KCNIP4: variants seen among roughly 807,000 people sequenced by gnomAD.
KCNIP4 encodes the protein potassium voltage-gated channel interacting protein 4.
Under a neutral mutation model 34.0 loss-of-function variants are expected in KCNIP4, and 12 were observed. The ratio of observed to expected loss-of-function variants is 0.35; its 90% CI spans 0.23 to 0.57. The LOEUF (loss-of-function observed/expected upper bound fraction) is 0.57. Ranked by LOEUF, KCNIP4 falls within the 20% of genes least tolerant of loss-of-function variation. The pLI is 0.83. For synonymous variants in KCNIP4, 124 were observed against 102.2 expected (o/e 1.21, Z -1.29); for missense variants, 238 against 311.7 (o/e 0.76, Z 1.78).
At chr4:21,819,254 G>T (rs1722181715) in intron 1 of KCNIP4, among the ~76,000 whole-genome samples, 1 of 152,136 alleles carries the variant, frequency 6.6e-6, no homozygotes, top group Admixed American at 6.5e-5. Context: ...TCTGTTACTG[G>T]CTGGCTTGCA....
At chr4:21,347,086 G>A (rs541775669) in intron 1 of KCNIP4, among the ~76,000 whole-genome samples, 9 of 152,230 alleles carry the variant, frequency 5.9e-5, no homozygotes, top group South Asian at 2.1e-4. Flanking sequence ...TGTGACCTGC[G>A]CAAGTGAACT....
At chr4:20,821,606 A>G (rs1466381963) in intron 3 of KCNIP4, among the ~76,000 whole-genome samples, 2 of 152,170 alleles carry the variant, frequency 1.3e-5, no homozygotes, top group South Asian at 2.1e-4. Context: ...ACTGTACTCA[A>G]TATGTAGCCT....
intron 2 of KCNIP4, among the ~76,000 whole-genome samples, chr4:20,863,892 A>G (rs1722474868): frequency 6.6e-6 from 1 of 151,990 alleles, no homozygotes; most frequent in African/African-American, 2.4e-5. Context: ...ACAATCACTA[A>G]TATTTATAGC....
intron 1 of KCNIP4, among the ~76,000 whole-genome samples, chr4:21,891,433 G>A (rs1468041461): frequency 6.6e-6 from 1 of 152,020 alleles, no homozygotes; most frequent in Non-Finnish European, 1.5e-5. Context: ...AGGGTTCTTC[G>A]GATCCCTAAG....
intron 1 of KCNIP4, among the ~76,000 whole-genome samples, chr4:21,664,245 G>A (rs577238385): frequency 1.4e-4 from 21 of 152,184 alleles, no homozygotes; most frequent in African/African-American, 3.6e-4. Flanking sequence ...CACCACACCC[G>A]ACAGGTCTTC....
At chr4:20,787,630 C>T (rs1712184325) in intron 3 of KCNIP4, among the ~76,000 whole-genome samples, 1 of 151,938 alleles carries the variant, frequency 6.6e-6, no homozygotes, top group South Asian at 2.1e-4. Context: ...TTAATTTGCT[C>T]CTCAAATTCT....
chr4:20,918,639 C>A (rs915856810), intron 1 of KCNIP4, among the ~76,000 whole-genome samples: 2 of 152,168 alleles, frequency 1.3e-5, no homozygotes, highest in Non-Finnish European at 2.9e-5. Flanking sequence ...AACAAGACAA[C>A]CATGTTTCCT....
intron 1 of KCNIP4, among the ~76,000 whole-genome samples, chr4:21,604,762 G>C (rs1743500356): frequency 1.3e-5 from 2 of 151,856 alleles, no homozygotes; most frequent in African/African-American, 4.8e-5. Context: ...CCTTTTTTTG[G>C]TACACTAAAT....
intron 1 of KCNIP4, among the ~76,000 whole-genome samples, chr4:21,109,260 C>T (rs1380399046): frequency 3.9e-5 from 6 of 152,202 alleles, no homozygotes; most frequent in Non-Finnish European, 5.9e-5. Context: ...CCACCCAGTT[C>T]GAGCTTCCCG....
intron 1 of KCNIP4, among the ~76,000 whole-genome samples, chr4:21,841,771 A>C (rs1235281833): frequency 6.6e-6 from 1 of 152,196 alleles, no homozygotes; most frequent in Non-Finnish European, 1.5e-5. Context: ...TTAAAAAATT[A>C]GCTCTGAAAA....
At chr4:21,791,270 G>A (rs1390799250) in intron 1 of KCNIP4, among the ~76,000 whole-genome samples, 1 of 152,026 alleles carries the variant, frequency 6.6e-6, no homozygotes, top group Non-Finnish European at 1.5e-5. Context: ...GTGTGTGTGA[G>A]GGCATTAATC....
intron 2 of KCNIP4, among the ~76,000 whole-genome samples, chr4:20,871,509 T>C (rs988218169): frequency 3.3e-5 from 5 of 151,820 alleles, no homozygotes; most frequent in Non-Finnish European, 5.9e-5. Flanking sequence ...GACTCCAGAG[T>C]AGGAAAGCCC....
chr4:21,439,271 C>A (rs1727235636), intron 1 of KCNIP4, among the ~76,000 whole-genome samples: 2 of 151,758 alleles, frequency 1.3e-5, no homozygotes, highest in Admixed American at 1.3e-4. Flanking sequence ...ATGTAGATGG[C>A]TTTTTCAAGG....
intron 8 of KCNIP4, among the ~76,000 whole-genome samples, chr4:20,730,711 A>G (rs7688805): frequency 1.3e-5 from 2 of 152,120 alleles, no homozygotes; most frequent in African/African-American, 4.8e-5. Flanking sequence ...CAGAGAAAGA[A>G]TTGGGGAGCA....
rs375084319 is a variant in KCNIP4 at position 20,833,484 on chromosome 4, CAAT to C, written c.288+17056_288+17058del. 1.3e-4 allele frequency among the ~76,000 whole-genome samples: 20 copies of C among 150,874 alleles called. 1 individual carries two copies. The highest frequency in any genetic ancestry group is 7.8e-4 in the East Asian group (4 of 5,126). On this transcript the variant is annotated intron_variant, in intron 3 of 8. Coordinates refer to ENST00000382152, the MANE Select transcript of KCNIP4 (RefSeq NM_025221.6). ...TGGGCAACAGAGTGAGACCCCATCT[CAAT>C]AATAATAATAATAATAATACTTTAA...
chr4:21,139,429 A>C (rs942552903), intron 1 of KCNIP4, among the ~76,000 whole-genome samples: 5 of 152,196 alleles, frequency 3.3e-5, no homozygotes, highest in Non-Finnish European at 5.9e-5. Flanking sequence ...CATTAGAGAA[A>C]CTGTGAATTT....
chr4:20,859,203 G>A (rs1442794587), intron 2 of KCNIP4, among the ~76,000 whole-genome samples: 1 of 145,030 alleles, frequency 6.9e-6, no homozygotes, highest in East Asian at 2.1e-4. Context: ...TCTCAGAGCT[G>A]GAAGGAACAC....
At chr4:20,825,373 G>A (rs1426102720) in intron 3 of KCNIP4, among the ~76,000 whole-genome samples, 1 of 151,780 alleles carries the variant, frequency 6.6e-6, no homozygotes, top group Non-Finnish European at 1.5e-5. Flanking sequence ...ATGTAGGACT[G>A]GACTTAAGAG....
At chr4:21,450,415 A>C (rs1728420622) in intron 1 of KCNIP4, among the ~76,000 whole-genome samples, 1 of 152,204 alleles carries the variant, frequency 6.6e-6, no homozygotes, top group Non-Finnish European at 1.5e-5. Context: ...AGAATAAATG[A>C]ACTGTCCAAA....
Sources: gnomAD v4.1 joint callset for allele counts (sites outside exome capture counted in the v4.1 genomes callset) on GRCh38, gnomAD v4.1.1 for gene constraint, MANE v1.5 for transcripts, NCBI Gene and HGNC (gene_info 2026-07-23, HGNC 2026-07-21) for gene names.